SPMIP2: variants seen among roughly 807,000 people sequenced by gnomAD.
SPMIP2 encodes the protein sperm microtubule inner protein 2.
the SPMIP2 span, among the ~76,000 whole-genome samples, chr4:159,052,174 G>A: frequency 6.6e-6 from 1 of 152,130 alleles, no homozygotes; most frequent in African/African-American, 2.4e-5. Flanking sequence ...TCACACTGAC[G>A]GCCAGTGTAC....
At chr4:159,050,204 A>AT in the SPMIP2 span, among the ~76,000 whole-genome samples, 3,242 of 114,454 alleles carry the variant, frequency 0.028, 149 homozygotes, top group African/African-American at 0.098. Flanking sequence ...CCACCACTGT[A>AT]TTTTTTTTTT....
chr4:158,904,754 A>G, the SPMIP2 span: 1 of 547,086 alleles, frequency 1.8e-6, no homozygotes, highest in South Asian at 2.3e-5. Context: ...ATTGTCGTGA[A>G]CACTTTAGGC....
chr4:159,034,953 T>A, the SPMIP2 span: 1 of 995,276 alleles, frequency 1.0e-6, no homozygotes, highest in Non-Finnish European at 1.5e-6. Flanking sequence ...CATTGTTATA[T>A]CCATTATATA....
chr4:158,982,403 C>A, the SPMIP2 span, among the ~76,000 whole-genome samples: 3 of 152,156 alleles, frequency 2.0e-5, no homozygotes, highest in Admixed American at 2.0e-4. Context: ...CTCTCCACCC[C>A]AAATCAATAG....
At chr4:158,983,862 G>C in the SPMIP2 span, among the ~76,000 whole-genome samples, 1 of 88,534 alleles carries the variant, frequency 1.1e-5, no homozygotes, top group South Asian at 4.8e-4. Context: ...ATTGGATAAA[G>C]AGTCAAGACC....
At chr4:158,916,618 C>T in the SPMIP2 span, among the ~76,000 whole-genome samples, 2 of 95,544 alleles carry the variant, frequency 2.1e-5, no homozygotes, top group South Asian at 4.3e-4. Context: ...TATGTATGTA[C>T]ATATGTATGT....
chr4:159,070,453 C>A, the SPMIP2 span, among the ~76,000 whole-genome samples: 1 of 152,214 alleles, frequency 6.6e-6, no homozygotes, highest in East Asian at 1.9e-4. Context: ...GCTTTTGTTG[C>A]TTTAATAGTT....
At chr4:159,031,229 G>T in the SPMIP2 span, among the ~76,000 whole-genome samples, 1 of 152,276 alleles carries the variant, frequency 6.6e-6, no homozygotes, top group South Asian at 2.1e-4. Flanking sequence ...TTCTTGAACA[G>T]CTCAAAAGTT....
the SPMIP2 span, among the ~76,000 whole-genome samples, chr4:158,971,192 A>G: frequency 6.6e-6 from 1 of 152,198 alleles, no homozygotes; most frequent in African/African-American, 2.4e-5. Flanking sequence ...ATGGTCTGAC[A>G]GATTGAGGGC....
the SPMIP2 span, among the ~76,000 whole-genome samples, chr4:158,963,809 G>A: frequency 6.6e-6 from 1 of 152,122 alleles, no homozygotes; most frequent in African/African-American, 2.4e-5. Flanking sequence ...TGGCAAAGTG[G>A]ATTTGAAGCA....
At chr4:158,976,074 G>A in the SPMIP2 span, among the ~76,000 whole-genome samples, 1 of 152,254 alleles carries the variant, frequency 6.6e-6, no homozygotes, top group East Asian at 1.9e-4. Flanking sequence ...GTGACTGGGA[G>A]TTCACTCATG....
At chr4:159,015,187 T>C in the SPMIP2 span, among the ~76,000 whole-genome samples, 4 of 152,208 alleles carry the variant, frequency 2.6e-5, no homozygotes, top group Admixed American at 6.5e-5. Context: ...TTCCCTTCCT[T>C]GGCTAATATA....
the SPMIP2 span, among the ~76,000 whole-genome samples, chr4:158,989,955 A>G: frequency 6.6e-6 from 1 of 152,242 alleles, no homozygotes; most frequent in African/African-American, 2.4e-5. Context: ...AACCTACAGA[A>G]TGGGAGAAAA....
the SPMIP2 span, among the ~76,000 whole-genome samples, chr4:159,078,123 A>G: frequency 6.6e-6 from 1 of 152,224 alleles, no homozygotes; most frequent in Non-Finnish European, 1.5e-5. Context: ...TGCTTCAAAA[A>G]TTAAATGGAA....
chr4:159,072,010 G>A, the SPMIP2 span, among the ~76,000 whole-genome samples: 1 of 152,198 alleles, frequency 6.6e-6, no homozygotes, highest in South Asian at 2.1e-4. Context: ...ACCTGTTTTA[G>A]AAGTAACAAT....
the SPMIP2 span, among the ~76,000 whole-genome samples, chr4:159,078,859 T>G: frequency 6.6e-6 from 1 of 152,206 alleles, no homozygotes; most frequent in Non-Finnish European, 1.5e-5. Flanking sequence ...GGCTCATGCC[T>G]GTAATCCCAG....
chr4:158,905,411 G>C, the SPMIP2 span: 1 of 152,112 alleles, frequency 6.6e-6, no homozygotes, highest in Admixed American at 6.6e-5. Context: ...GTTTCGGTTG[G>C]TAAGTTCTTC....
At chr4:159,053,586 T>C in the SPMIP2 span, among the ~76,000 whole-genome samples, 1 of 152,154 alleles carries the variant, frequency 6.6e-6, no homozygotes, top group East Asian at 1.9e-4. Flanking sequence ...GTGTTTTGTT[T>C]CTGAGTTCCC....
chr4:159,036,882 T>C, the SPMIP2 span, among the ~76,000 whole-genome samples: 98 of 152,328 alleles, frequency 6.4e-4, no homozygotes, highest in East Asian at 0.019. Context: ...AAGGGCTCTC[T>C]ATCTCTAGCT....
Sources: allele counts gnomAD v4.1 joint callset (sites outside exome capture counted in the v4.1 genomes callset), GRCh38; gene constraint gnomAD v4.1.1; transcripts MANE v1.5; gene names NCBI Gene and HGNC (gene_info 2026-07-23, HGNC 2026-07-21).